The following ANK2 variants were observed in gnomAD, a reference collection of about 807,000 sequenced individuals.
ANK2 encodes the protein ankyrin-2.
In ANK2, 83 loss-of-function variants were observed where a neutral mutation model predicts 360.5. The ratio of observed to expected loss-of-function variants is 0.23; its 90% CI spans 0.19 to 0.28. The LOEUF is 0.28. Ranked by LOEUF, ANK2 falls within the 10% of genes least tolerant of loss-of-function variation. The pLI is 1.00. For synonymous variants in ANK2, 1,740 were observed against 1,759.5 expected, an observed-to-expected ratio of 0.99 and a Z score of 0.28; for missense variants, 4,201 against 4,795.7, an observed-to-expected ratio of 0.88 and a Z score of 3.66.
At chr4:112,963,654 TG>T (rs1265338050) in intron 2 of ANK2, among the ~76,000 whole-genome samples, 1 of 152,148 alleles carries the variant, frequency 6.6e-6, no homozygotes, top group Non-Finnish European at 1.5e-5. Context: ...TTCTATAAAA[TG>T]GGAATAATAA....
chr4:113,345,437 T>C (rs2153988849), intron 34 of ANK2, among the ~76,000 whole-genome samples: 1 of 152,322 alleles, frequency 6.6e-6, no homozygotes, highest in African/African-American at 2.4e-5. Context: ...GTAAACTGTA[T>C]GTTATGTATA....
At chr4:112,822,047 C>G (rs1476930246) in intron 1 of ANK2, among the ~76,000 whole-genome samples, 1 of 152,044 alleles carries the variant, frequency 6.6e-6, no homozygotes, top group Non-Finnish European at 1.5e-5. Context: ...GGATTACAGG[C>G]ATGAGCCACT....
intron 11 of ANK2, 90 bp from the exon 12 acceptor site, chr4:113,257,960 T>C: frequency 1.7e-6 from 2 of 1,175,496 alleles, no homozygotes; most frequent in Non-Finnish European, 2.5e-6. Flanking sequence ...TATGTGACGA[T>C]GTAACATTAT....
intron 2 of ANK2, among the ~76,000 whole-genome samples, chr4:112,988,545 A>G (rs1451734048): frequency 6.6e-6 from 1 of 152,198 alleles, no homozygotes; most frequent in East Asian, 1.9e-4. Flanking sequence ...GGGAGAGGAA[A>G]CAGTTTGCTA....
At chr4:113,372,973 A>G (rs1407066172) in intron 43 of ANK2, 117 bp from the exon 44 acceptor site, 1 of 931,976 alleles carries the variant, frequency 1.1e-6, no homozygotes, top group Non-Finnish European at 1.8e-6. Context: ...GTATCTCAGC[A>G]ATGCTTCTCA....
chr4:113,111,354 T>C (rs2094282406), intron 1 of ANK2, among the ~76,000 whole-genome samples: 1 of 152,184 alleles, frequency 6.6e-6, no homozygotes, highest in Admixed American at 6.5e-5. Flanking sequence ...GCTGTTAACA[T>C]ATAATTTCTG....
At chr4:113,253,785 C>G (rs1212886987) in intron 10 of ANK2, among the ~76,000 whole-genome samples, 1 of 152,138 alleles carries the variant, frequency 6.6e-6, no homozygotes, top group South Asian at 2.1e-4. Context: ...GACTTCCCTT[C>G]TTTTGCATTC....
rs1444529190 is a variant in ANK2 at position 113,357,710 on chromosome 4, G to A, written c.9092G>A (p.Ser3031Asn). The change falls in exon 38 of 46, where the codon AGC (serine) becomes AAC (asparagine). Residue 3031 changes from serine to asparagine, a missense_variant. Physicochemically the swap from Ser to Asn is conservative, Grantham distance 46. Coordinates refer to ENST00000357077, the MANE Select transcript of ANK2 (RefSeq NM_001148.6). ...ACAACAGTTGTTGGTGAACAAATAA[G>A]CAAAGTCATCATCACAAAAACTGAT... ...ATTTVVGEQI[S>N]KVIITKTDVD... 4.3e-6 allele frequency: 7 copies of A among 1,614,110 alleles called. No homozygotes were observed. Among genetic ancestry groups the A allele is most frequent in the Non-Finnish European group, 5.9e-6 (7 of 1,179,970 alleles).
chr4:113,229,894 T>A (rs897759064), intron 4 of ANK2, among the ~76,000 whole-genome samples: 12 of 152,220 alleles, frequency 7.9e-5, no homozygotes, highest in African/African-American at 2.9e-4. Flanking sequence ...GGAAAGCATG[T>A]TAGCAAATTG....
At chr4:112,829,974 A>T (rs1579203541) in intron 1 of ANK2, among the ~76,000 whole-genome samples, 2 of 143,660 alleles carry the variant, frequency 1.4e-5, no homozygotes, top group South Asian at 2.2e-4. Flanking sequence ...AATAAAAATA[A>T]AAAATAAAAA....
Position 113,369,824 on chromosome 4 carries a change from C to T in ANK2, c.11610+19C>T, listed in dbSNP as rs2096664666. 6.2e-7 allele frequency: 1 copy of T among 1,613,802 alleles called. No homozygotes were observed. The highest frequency in any genetic ancestry group is 8.5e-7 in the Non-Finnish European group (1 of 1,179,940). ...TGAAAAGGTAAGACATTCCTCTCCA[C>T]TTTCTCGCCCACCTGTAACAAAGCT... is the stretch of plus-strand genomic sequence containing the variant. On this transcript the variant is annotated intron_variant, in intron 43 of 45. Coordinates refer to ENST00000357077, the MANE Select transcript of ANK2 (RefSeq NM_001148.6).
chr4:113,280,496 A>G (rs2061882239), intron 17 of ANK2, among the ~76,000 whole-genome samples: 1 of 152,128 alleles, frequency 6.6e-6, no homozygotes, highest in Non-Finnish European at 1.5e-5. Flanking sequence ...TGAGCCCTTC[A>G]TCTTTGGGGC....
chr4:112,919,289 C>T (rs917332663), intron 2 of ANK2, among the ~76,000 whole-genome samples: 4 of 151,998 alleles, frequency 2.6e-5, no homozygotes, highest in African/African-American at 7.2e-5. Flanking sequence ...ACTCCATTAG[C>T]GTTACTCAGC....
At chr4:112,733,701 A>G in the ANK2 span, among the ~76,000 whole-genome samples, 2 of 152,242 alleles carry the variant, frequency 1.3e-5, no homozygotes, top group Non-Finnish European at 2.9e-5. Context: ...AAGAATTAAC[A>G]CCATAGCTAT....
chr4:113,193,566 T>C (rs2098704312), intron 2 of ANK2, among the ~76,000 whole-genome samples: 1 of 152,246 alleles, frequency 6.6e-6, no homozygotes, highest in Non-Finnish European at 1.5e-5. Context: ...TTCTTCATTG[T>C]ATAGATTATT....
chr4:113,073,760 G>T (rs923039407), intron 1 of ANK2, among the ~76,000 whole-genome samples: 1 of 152,146 alleles, frequency 6.6e-6, no homozygotes, highest in African/African-American at 2.4e-5. Context: ...GCTGATCATC[G>T]ACGGCTGCCA....
At chr4:112,924,507 T>C (rs1023113285) in intron 2 of ANK2, among the ~76,000 whole-genome samples, 1 of 152,132 alleles carries the variant, frequency 6.6e-6, no homozygotes, top group Non-Finnish European at 1.5e-5. Flanking sequence ...AGCTGACTTA[T>C]CAATACTATG....
chr4:112,728,378 T>C, the ANK2 span, among the ~76,000 whole-genome samples: 1 of 151,158 alleles, frequency 6.6e-6, no homozygotes, highest in African/African-American at 2.4e-5. Context: ...ATCAACAAAT[T>C]TGAACCTAGA....
chr4:113,120,366 TG>T (rs1206284790), intron 1 of ANK2, among the ~76,000 whole-genome samples: 1 of 152,178 alleles, frequency 6.6e-6, no homozygotes, highest in Non-Finnish European at 1.5e-5. Context: ...TGTTGGAATC[TG>T]AGAATTTTAG....
Sources: gnomAD v4.1 joint callset for allele counts (sites outside exome capture counted in the v4.1 genomes callset) on GRCh38, gnomAD v4.1.1 for gene constraint, MANE v1.5 for transcripts, NCBI Gene and HGNC (gene_info 2026-07-23, HGNC 2026-07-21) for gene names.